Variants in NBAS observed in about 807,000 individuals in gnomAD.
NBAS encodes NAG/BC035112 fusion.
In NBAS, 219 loss-of-function variants were observed where a neutral mutation model predicts 302.5. The ratio of observed to expected loss-of-function variants is 0.72; its 90% confidence interval spans 0.65 to 0.81. The LOEUF (loss-of-function observed/expected upper bound fraction) is 0.81, where lower values mean the gene tolerates loss of function less well. NBAS is among the 30% of genes least tolerant of loss of function. NBAS has a pLI of 0.00. For missense variants in NBAS, 2,932 were observed against 2,841.6 expected (o/e 1.03, Z -0.72); for synonymous variants, 1,118 against 1,021.6 (o/e 1.09, Z -1.80).
intron 26 of NBAS, among the ~76,000 whole-genome samples, chr2:15,399,091 A>G: frequency 6.6e-6 from 1 of 152,216 alleles, no homozygotes; most frequent in Non-Finnish European, 1.5e-5. Context: ...CGAAGTAGAC[A>G]AATTACTATT....
chr2:15,367,814 A>C (rs758347220), intron 31 of NBAS, among the ~76,000 whole-genome samples: 8 of 152,164 alleles, frequency 5.3e-5, no homozygotes, highest in African/African-American at 1.9e-4. Flanking sequence ...CTACAATTTA[A>C]TGTTGAACTC....
Position 15,186,847 on chromosome 2 carries a change from T to C in NBAS, c.6606A>G (p.Thr2202=). 1 of 1,614,060 alleles carries C rather than the reference T, an allele frequency of 6.2e-7. No homozygotes were observed. Among genetic ancestry groups the C allele is most frequent in the Non-Finnish European group, 8.5e-7 (1 of 1,179,966 alleles). The change falls in exon 50 of 52, where the codon ACA becomes ACG. Residue 2202 remains threonine (T), a synonymous_variant. Coordinates refer to ENST00000281513, the MANE Select transcript of NBAS (RefSeq NM_015909.4). ...ITNNPWVRLA[T]VMLTRCTMEN... ...CCATCGTACATCTGGTTAGCATCAC[T>C]GTAGCTAGTCTCACCCATGGATTAT...
chr2:15,130,291 T>G, the NBAS span, among the ~76,000 whole-genome samples: 1 of 152,240 alleles, frequency 6.6e-6, no homozygotes, highest in African/African-American at 2.4e-5. Context: ...TATTATTCAT[T>G]CGTATTTTTT....
At chr2:15,207,204 T>C (rs10929348) in intron 48 of NBAS, among the ~76,000 whole-genome samples, 46,026 of 152,058 alleles carry the variant, frequency 0.3, 7,493 homozygotes, top group African/African-American at 0.43. Context: ...TCAAAGAAGA[T>C]GAATTTGGAG....
the NBAS span, among the ~76,000 whole-genome samples, chr2:15,020,406 A>G: frequency 6.6e-6 from 1 of 152,216 alleles, no homozygotes. Flanking sequence ...CAAAGATGCA[A>G]CAAGAGCTGG....
intron 9 of NBAS, among the ~76,000 whole-genome samples, chr2:15,517,845 C>T (rs536932838): frequency 1.3e-5 from 2 of 152,238 alleles, no homozygotes; most frequent in African/African-American, 2.4e-5. Context: ...AGGTTCAGTT[C>T]GCTGCCATAC....
the NBAS span, among the ~76,000 whole-genome samples, chr2:14,799,393 C>T: frequency 1.3e-5 from 2 of 152,070 alleles, no homozygotes; most frequent in African/African-American, 4.8e-5. Flanking sequence ...TGACTTCTAA[C>T]TTTATTATAT....
chr2:15,042,294 C>T, the NBAS span, among the ~76,000 whole-genome samples: 11 of 152,314 alleles, frequency 7.2e-5, no homozygotes, highest in South Asian at 2.1e-4. Flanking sequence ...AAAGTGACAA[C>T]GTCATGTGCT....
At chr2:15,155,117 C>T in the NBAS span, among the ~76,000 whole-genome samples, 2 of 152,162 alleles carry the variant, frequency 1.3e-5, no homozygotes, top group East Asian at 3.9e-4. Context: ...TTTGGCAATC[C>T]TTAGTGTCTC....
Position 15,539,307 on chromosome 2 carries a change from A to G in NBAS, c.429T>C (p.Asp143=). ...PQWRRVAWSY[D]CTLLAYAEST... ...TTTCGGCATAGGCCAGTAGGGTACA[A>G]TCGTAACTCCATGCTACCCGTCTCC... is the stretch of plus-strand genomic sequence containing the variant. Residue 143 remains aspartate, a synonymous_variant, in exon 7 of 52, where the codon GAT becomes GAC. Transcript: ENST00000281513. 1.2e-6 allele frequency: 2 copies of G among 1,614,230 alleles called. No individual in the cohort carries two copies. Among genetic ancestry groups the G allele is most frequent in the Non-Finnish European group, 1.7e-6 (2 of 1,180,040 alleles).
At chr2:15,548,044 C>T (rs921899454) in intron 6 of NBAS, among the ~76,000 whole-genome samples, 4 of 152,100 alleles carry the variant, frequency 2.6e-5, no homozygotes, top group African/African-American at 9.7e-5. Flanking sequence ...ATACATGGAT[C>T]TCTATAATAT....
intron 6 of NBAS, among the ~76,000 whole-genome samples, chr2:15,550,453 TACA>T (rs1166919906): frequency 3.3e-5 from 5 of 152,222 alleles, no homozygotes; most frequent in Non-Finnish European, 7.3e-5. Context: ...TTATACTTCC[TACA>T]ACAATTACAC....
intron 35 of NBAS, among the ~76,000 whole-genome samples, chr2:15,347,043 T>C (rs1319760641): frequency 6.6e-6 from 1 of 151,954 alleles, no homozygotes; most frequent in African/African-American, 2.4e-5. Flanking sequence ...GACAGGTCAA[T>C]AGGTGCAGCA....
chr2:15,030,204 C>T, the NBAS span, among the ~76,000 whole-genome samples: 2 of 149,508 alleles, frequency 1.3e-5, no homozygotes, highest in South Asian at 2.1e-4. Flanking sequence ...TATTTTCCCA[C>T]AAAAAAAAAT....
chr2:15,129,368 C>T, the NBAS span, among the ~76,000 whole-genome samples: 1 of 152,172 alleles, frequency 6.6e-6, no homozygotes, highest in Non-Finnish European at 1.5e-5. Context: ...CACTGTGCTC[C>T]TCCTTTCACT....
intron 46 of NBAS, among the ~76,000 whole-genome samples, chr2:15,234,039 T>C (rs1435796089): frequency 6.6e-6 from 1 of 152,234 alleles, no homozygotes; most frequent in Non-Finnish European, 1.5e-5. Context: ...AAGCAAGAAT[T>C]TCTCAATTGT....
intron 48 of NBAS, among the ~76,000 whole-genome samples, chr2:15,212,868 C>CAATT (rs35618069): frequency 0.58 from 88,513 of 151,604 alleles, 28,313 homozygotes; most frequent in East Asian, 0.85. Context: ...AATTGTGAGT[C>CAATT]AAACCTCTTT....
intron 11 of NBAS, 93 bp from the exon 12 acceptor site, chr2:15,489,115 A>C: frequency 5.0e-6 from 7 of 1,395,646 alleles, no homozygotes; most frequent in Non-Finnish European, 7.0e-6. Flanking sequence ...GCCAAGTTAT[A>C]AATGATCTTT....
At chr2:14,842,511 A>C in the NBAS span, among the ~76,000 whole-genome samples, 1 of 152,014 alleles carries the variant, frequency 6.6e-6, no homozygotes, top group Non-Finnish European at 1.5e-5. Context: ...AACAGAAATA[A>C]GAAGAATCAC....
Sources: allele counts gnomAD v4.1 joint callset (sites outside exome capture counted in the v4.1 genomes callset), GRCh38; gene constraint gnomAD v4.1.1; transcripts MANE v1.5; gene names NCBI Gene and HGNC (gene_info 2026-07-23, HGNC 2026-07-21).